SLC9A9: variants seen among roughly 807,000 people sequenced by gnomAD.
SLC9A9 encodes the protein solute carrier family 9 member A9.
In SLC9A9, 62 loss-of-function variants were observed where a neutral mutation model predicts 77.8. The observed-to-expected ratio is 0.80, with a 90% CI of 0.65 to 0.98. SLC9A9 has a LOEUF of 0.98. Ranked by LOEUF, SLC9A9 falls within the 50% of genes least tolerant of loss-of-function variation. The pLI, the probability that SLC9A9 is intolerant of heterozygous loss-of-function variation, is 0.00. For missense variants in SLC9A9, 775 were observed against 774.9 expected (o/e 1.00, Z 0.00); for synonymous variants, 320 against 283.5 (o/e 1.13, Z -1.29).
At chr3:143,400,054 C>T (rs574801936) in intron 12 of SLC9A9, among the ~76,000 whole-genome samples, 7 of 152,156 alleles carry the variant, frequency 4.6e-5, no homozygotes, top group Admixed American at 4.6e-4. Context: ...AGAAGAAAAA[C>T]GCTGTTAATT....
At chr3:143,392,092 C>T (rs927259414) in intron 12 of SLC9A9, among the ~76,000 whole-genome samples, 1 of 152,078 alleles carries the variant, frequency 6.6e-6, no homozygotes, top group Non-Finnish European at 1.5e-5. Context: ...ATTCAGGAAA[C>T]ACAGAGAACG....
At chr3:143,778,124 A>T (rs2007758147) in intron 4 of SLC9A9, among the ~76,000 whole-genome samples, 1 of 150,510 alleles carries the variant, frequency 6.6e-6, no homozygotes, top group Non-Finnish European at 1.5e-5. Context: ...TTTAACAGAC[A>T]CTGAATGATT....
At chr3:143,756,223 G>A (rs1432023391) in intron 4 of SLC9A9, among the ~76,000 whole-genome samples, 2 of 152,166 alleles carry the variant, frequency 1.3e-5, no homozygotes, top group Non-Finnish European at 2.9e-5. Flanking sequence ...AAAACATGAA[G>A]GCCACAATCC....
chr3:143,507,999 A>G (rs2036051284), intron 9 of SLC9A9, among the ~76,000 whole-genome samples: 1 of 152,200 alleles, frequency 6.6e-6, no homozygotes, highest in Admixed American at 6.5e-5. Context: ...CCAACTCCAA[A>G]TACCATTAAA....
chr3:143,265,973 A>G lies in SLC9A9; in HGVS notation c.*729T>C, dbSNP rs1256408902. Reference sequence around the variant, plus strand: ...GCTTGTTCTTCAGGCACAACGTGGTATGGGGAGAAGAAACCTGGTTTTCTT... The same window carrying G: ...GCTTGTTCTTCAGGCACAACGTGGTGTGGGGAGAAGAAACCTGGTTTTCTT... On this transcript the variant is annotated 3_prime_UTR_variant, in exon 16 of 16. Coordinates refer to ENST00000316549, the MANE Select transcript of SLC9A9 (RefSeq NM_173653.4). The G allele has an allele frequency of 2.9e-6, 2 of 686,174 alleles. No individual in the cohort carries two copies. Among genetic ancestry groups the G allele is most frequent in the Middle Eastern group, 6.1e-4 (2 of 3,300 alleles). 42.5% of individuals were successfully genotyped at this position (686,174 alleles called of 1,614,324 possible).
At chr3:143,815,860 A>T (rs534406305) in intron 2 of SLC9A9, among the ~76,000 whole-genome samples, 1 of 152,096 alleles carries the variant, frequency 6.6e-6, no homozygotes, top group Non-Finnish European at 1.5e-5. Context: ...GCAAGATTCC[A>T]TCTCAAAAAA....
chr3:143,795,614 T>A (rs1478856327), intron 3 of SLC9A9, among the ~76,000 whole-genome samples: 1 of 152,164 alleles, frequency 6.6e-6, no homozygotes, highest in Admixed American at 6.6e-5. Flanking sequence ...CGCCTGTAAT[T>A]CCAGCAATTT....
At chr3:143,748,757 G>A (rs1935262054) in intron 4 of SLC9A9, among the ~76,000 whole-genome samples, 1 of 137,860 alleles carries the variant, frequency 7.3e-6, no homozygotes, top group Non-Finnish European at 1.5e-5. Context: ...ACTGCGGACT[G>A]CAGTGGCGCA....
intron 6 of SLC9A9, among the ~76,000 whole-genome samples, chr3:143,649,174 AG>A (rs551651630): frequency 3.4e-4 from 52 of 152,304 alleles, no homozygotes; most frequent in African/African-American, 1.2e-3. Flanking sequence ...ATTTTTGTTC[AG>A]GGTTCAAAAA....
At chr3:143,283,274 T>C (rs1188664982) in intron 14 of SLC9A9, among the ~76,000 whole-genome samples, 2 of 152,176 alleles carry the variant, frequency 1.3e-5, no homozygotes, top group Non-Finnish European at 2.9e-5. Flanking sequence ...GACGGTGGCC[T>C]TAGGGACAGG....
chr3:143,546,649 A>G (rs1394054277), intron 9 of SLC9A9, among the ~76,000 whole-genome samples: 1 of 152,204 alleles, frequency 6.6e-6, no homozygotes, highest in Non-Finnish European at 1.5e-5. Flanking sequence ...TAACCAAATG[A>G]TATTTAGTAA....
intron 4 of SLC9A9, among the ~76,000 whole-genome samples, chr3:143,736,143 A>G (rs1223038787): frequency 6.6e-6 from 1 of 152,098 alleles, no homozygotes; most frequent in African/African-American, 2.4e-5. Context: ...TTTAAAACCT[A>G]TGTGTCTCTC....
intron 4 of SLC9A9, among the ~76,000 whole-genome samples, chr3:143,762,055 G>A (rs1260893599): frequency 6.6e-6 from 1 of 152,120 alleles, no homozygotes; most frequent in Non-Finnish European, 1.5e-5. Context: ...CATGAATGAA[G>A]CTGGAAACCA....
chr3:143,704,846 GC>G (rs1172434715), intron 4 of SLC9A9, among the ~76,000 whole-genome samples: 1 of 152,008 alleles, frequency 6.6e-6, no homozygotes, highest in Non-Finnish European at 1.5e-5. Context: ...TACAAAATAA[GC>G]TGGACATTGT....
intron 12 of SLC9A9, among the ~76,000 whole-genome samples, chr3:143,421,684 C>T (rs868605929): frequency 1.3e-4 from 20 of 152,020 alleles, no homozygotes; most frequent in Non-Finnish European, 2.9e-4. Flanking sequence ...TTGGCCTTGG[C>T]AAAGAATTTA....
chr3:143,813,953 G>A (rs1026572556), intron 2 of SLC9A9, among the ~76,000 whole-genome samples: 15 of 152,170 alleles, frequency 9.9e-5, no homozygotes, highest in African/African-American at 3.1e-4. Flanking sequence ...ATGAGCTCAA[G>A]GTAATGATAG....
rs1272715534 is a variant in SLC9A9 at position 143,467,069 on chromosome 3, T to C, written c.1437A>G (p.Gly479=). ...GAAGCCAAGTCAACATGGGGGTTGT[T>C]CCTCCTCCAAATACCCAGACAGTGA... ...VFFTVWVFGG[G]TTPMLTWLQI... is the part of the protein sequence containing the mutation. Residue 479 remains glycine, a synonymous_variant, in exon 12 of 16, where the codon GGA becomes GGG. Transcript: ENST00000316549. The C allele has an allele frequency of 3.7e-6, 6 of 1,613,886 alleles. No individual in the cohort carries two copies. The African/African-American group carries it at 8.0e-5, about 22-fold the overall frequency.
intron 8 of SLC9A9, 32 bp from the exon 9 acceptor site, chr3:143,552,482 A>C: frequency 6.3e-7 from 1 of 1,592,910 alleles, no homozygotes; most frequent in South Asian, 1.1e-5. Flanking sequence ...AGTCAAAACC[A>C]ATTTTTCTTT....
intron 6 of SLC9A9, among the ~76,000 whole-genome samples, chr3:143,631,021 A>G (rs1336137194): frequency 6.6e-6 from 1 of 152,176 alleles, no homozygotes; most frequent in Non-Finnish European, 1.5e-5. Context: ...AATCGGTCCC[A>G]TGATTTCAGT....
Sources: gnomAD v4.1 joint callset for allele counts (sites outside exome capture counted in the v4.1 genomes callset) on GRCh38, gnomAD v4.1.1 for gene constraint, MANE v1.5 for transcripts, NCBI Gene and HGNC (gene_info 2026-07-23, HGNC 2026-07-21) for gene names.